The following FBN3 variants were observed in gnomAD, a reference collection of about 807,000 sequenced individuals.
FBN3 encodes the protein fibrillin-3.
FBN3 carries 234 observed loss-of-function variants against 330.1 expected under a neutral mutation model. The ratio of observed to expected loss-of-function variants is 0.71; its 90% CI spans 0.64 to 0.79. FBN3 has a LOEUF of 0.79. Ranked by LOEUF, FBN3 falls within the 30% of genes least tolerant of loss-of-function variation. FBN3 has a pLI of 0.00. For missense variants in FBN3, 3,606 were observed against 3,886.9 expected, an observed-to-expected ratio of 0.93 and a Z score of 1.92; for synonymous variants, 1,458 against 1,517.3, an observed-to-expected ratio of 0.96 and a Z score of 0.91.
chr19:8,077,902 C>T (rs1419960696), intron 59 of FBN3, among the ~76,000 whole-genome samples: 2 of 152,114 alleles, frequency 1.3e-5, no homozygotes, highest in African/African-American at 4.8e-5. Flanking sequence ...CATGGCAAAA[C>T]CCCGTCTCTA....
rs2082045875 is a variant in FBN3 at position 8,089,558 on chromosome 19, G to A, written c.6363C>T (p.Gly2121=). ...CTGGCCACTCACCCACACAGTTGATGCCAGTGAAGTCCAGGCTGTAGCCAA... is the reference window on the plus strand; with the variant it reads ...CTGGCCACTCACCCACACAGTTGATACCAGTGAAGTCCAGGCTGTAGCCAA... ...CPFGYSLDFT[G]INCVDTDECS... The change falls in exon 51 of 64, where the codon GGC becomes GGT. Residue 2121 remains glycine (G), a synonymous_variant. Coordinates refer to ENST00000600128, the MANE Select transcript of FBN3 (RefSeq NM_032447.5). 4 of 1,614,038 alleles carry A rather than the reference G, an allele frequency of 2.5e-6. No homozygotes were observed. The Admixed American group carries it at 6.7e-5, about 27-fold the overall frequency.
At position 8,076,128 on chromosome 19, in the gene FBN3, G is replaced by T. The variant is rs183239682; in HGVS notation, c.7454-717C>A. The stretch of plus-strand genomic sequence containing the variant: ...AAGGTGGCTGTCTGCAAACCAAGAA[G>T]AGAGCCCTCACAGAACCAGCCGTGC... On this transcript the variant is annotated intron_variant, in intron 59 of 63. Transcript: ENST00000600128. Among the ~76,000 whole-genome samples the T allele has an allele frequency of 7.6e-4, 115 of 152,242 alleles. 3 individuals are homozygous for T. The highest frequency in any genetic ancestry group is 2.5e-4 in the Non-Finnish European group (17 of 68,020).
intron 63 of FBN3, among the ~76,000 whole-genome samples, chr19:8,066,710 C>T (rs2081399305): frequency 6.6e-6 from 1 of 151,936 alleles, no homozygotes; most frequent in Non-Finnish European, 1.5e-5. Context: ...GAAACCCAGT[C>T]GCTACTAAAA....
In FBN3 at chr19:8,121,269, T is replaced by G. The variant is rs761406246; in HGVS notation, c.3200A>C (p.Lys1067Thr). 6.2e-7 allele frequency: 1 copy of G among 1,607,572 alleles called. No homozygotes were observed. The highest frequency in any genetic ancestry group is 8.5e-7 in the Non-Finnish European group (1 of 1,176,400). Residue 1067 changes from lysine to threonine, a missense_variant, in exon 25 of 64, where the codon AAG (lysine) becomes ACG (threonine). Lys to Thr is a moderately conservative substitution (Grantham distance 78). Transcript: ENST00000600128. The surrounding 1 kb of genome is among the most constrained non-coding windows in gnomAD (Gnocchi z 4.5). The stretch of plus-strand genomic sequence containing the variant: ...CGGCAGTCACCGACCCATGCAGTTC[T>G]TCATCAGCATGAAGCCACTCTCGTA... ...PGYESGFMLM[K>T]NCMDVDECAR... is the part of the protein sequence containing the mutation.
Position 8,144,951 on chromosome 19 carries a change from T to G in FBN3, c.467A>C (p.His156Pro). ...CGQPICDRGC[H>P]NGGRCIGPNR... ...GGGCCCAATGCAGCGACCCCCATTG[T>G]GGCAGCCGCGGTCACAGATGGCTGT... Residue 156 changes from histidine to proline, a missense_variant, in exon 6 of 64, where the codon CAC (histidine) becomes CCC (proline). Physicochemically the swap from His to Pro is moderately conservative, Grantham distance 77. Coordinates refer to ENST00000600128, the MANE Select transcript of FBN3 (RefSeq NM_032447.5). 6.2e-7 allele frequency: 1 copy of G among 1,611,420 alleles called. No homozygotes were observed. Among genetic ancestry groups the G allele is most frequent in the Non-Finnish European group, 8.5e-7 (1 of 1,179,488 alleles).
chr19:8,065,811 T>TG lies in FBN3; in HGVS notation c.*107dup, dbSNP rs2081376709. The TG allele has an allele frequency of 1.0e-6, 1 of 954,382 alleles. No individual in the cohort carries two copies. The highest frequency in any genetic ancestry group is 1.6e-6 in the Non-Finnish European group (1 of 642,914). 59.1% of individuals were successfully genotyped at this position (954,382 alleles called of 1,614,324 possible). ...TTGTCGTGTAGCATTTCACTCTTCC[T>TG]GAGTTTCGGGGTTCAATCTGGTCAG... On this transcript the variant is annotated 3_prime_UTR_variant, in exon 64 of 64. Transcript: ENST00000600128.
At chr19:8,130,694 A>G (rs552155612) in intron 16 of FBN3, among the ~76,000 whole-genome samples, 28 of 144,556 alleles carry the variant, frequency 1.9e-4, no homozygotes, top group African/African-American at 6.8e-4. Flanking sequence ...AGAAAAGAAA[A>G]GAAAAGAAAA....
Position 8,089,726 on chromosome 19 carries a change from C to A in FBN3, c.6251-56G>T. ...TCTGTCACCACACAATCGCCAGAGC[C>A]CTGGCCACACTCAAGGCCCCAAGGG... On this transcript the variant is annotated intron_variant, in intron 50 of 63. Coordinates refer to ENST00000600128, the MANE Select transcript of FBN3 (RefSeq NM_032447.5). 1.9e-6 allele frequency: 3 copies of A among 1,603,222 alleles called. No individual in the cohort carries two copies. The South Asian group carries it at 3.4e-5, about 18-fold the overall frequency.
intron 29 of FBN3, among the ~76,000 whole-genome samples, 191 bp downstream of exon 29, chr19:8,116,483 C>A (rs1400779823): frequency 6.6e-6 from 1 of 152,212 alleles, no homozygotes; most frequent in Non-Finnish European, 1.5e-5. Flanking sequence ...CTTTGGAGAG[C>A]AGACTTGGGG....
At position 8,142,150 on chromosome 19, in the gene FBN3, C is replaced by T. The variant is rs774007869; in HGVS notation, c.542-13G>A. On this transcript the variant is annotated splice_polypyrimidine_tract_variant and intron_variant, in intron 6 of 63. Coordinates refer to ENST00000600128, the MANE Select transcript of FBN3 (RefSeq NM_032447.5). ...CCCGTCCGGTAATCTGCAGGGCAGA[C>T]AGATGTGGGTACCTGGCTGAGGGCT... is the stretch of plus-strand genomic sequence containing the variant. 2 of 1,594,528 alleles carry T rather than the reference C, an allele frequency of 1.3e-6. No homozygotes were observed. Among genetic ancestry groups the T allele is most frequent in the African/African-American group, 1.3e-5 (1 of 74,614 alleles).
At position 8,147,475 on chromosome 19, in the gene FBN3, A is replaced by G; in HGVS notation, c.6T>C (p.Thr2=). Residue 2 remains threonine (T), a synonymous_variant, in exon 2 of 64, where the codon ACT becomes ACC. Coordinates refer to ENST00000600128, the MANE Select transcript of FBN3 (RefSeq NM_032447.5). M[T]LEGLYLARGP... is the part of the protein sequence containing the mutation. ...CCCTTGCCAAATACAGACCCTCCAGAGTCATGGCGTGTCCCCTGGAGGCTG... is the reference window on the plus strand; with the variant it reads ...CCCTTGCCAAATACAGACCCTCCAGGGTCATGGCGTGTCCCCTGGAGGCTG... 6.7e-7 allele frequency: 1 copy of G among 1,502,674 alleles called. No individual in the cohort carries two copies. Among genetic ancestry groups the G allele is most frequent in the Non-Finnish European group, 8.9e-7 (1 of 1,126,946 alleles). 93.1% of individuals were successfully genotyped at this position (1,502,674 alleles called of 1,614,324 possible).
chr19:8,112,524 C>T (rs2082613466), intron 30 of FBN3, among the ~76,000 whole-genome samples: 1 of 152,144 alleles, frequency 6.6e-6, no homozygotes, highest in Non-Finnish European at 1.5e-5. Flanking sequence ...GTGGCAGGTG[C>T]CTGTAGTCCC....
At chr19:8,128,406 A>C (rs181728488) in intron 18 of FBN3, among the ~76,000 whole-genome samples, 15 of 152,266 alleles carry the variant, frequency 9.9e-5, no homozygotes, top group Admixed American at 9.2e-4. Context: ...TCTACTAAAA[A>C]TACAAAAATT....
chr19:8,066,711 G>A (rs6603135), intron 63 of FBN3, among the ~76,000 whole-genome samples: 2 of 151,886 alleles, frequency 1.3e-5, no homozygotes, highest in East Asian at 3.9e-4. Flanking sequence ...AAACCCAGTC[G>A]CTACTAAAAA....
chr19:8,118,247 C>G (rs966063645), intron 26 of FBN3, among the ~76,000 whole-genome samples: 5 of 152,140 alleles, frequency 3.3e-5, no homozygotes, highest in African/African-American at 1.2e-4. Flanking sequence ...TTGCATCCAA[C>G]TACACATCAC....
At chr19:8,079,562 A>G (rs1199366610) in intron 59 of FBN3, among the ~76,000 whole-genome samples, 5 of 151,328 alleles carry the variant, frequency 3.3e-5, no homozygotes, top group Non-Finnish European at 5.9e-5. Context: ...CATGACACAC[A>G]TCACCTTTGA....
At position 8,087,598 on chromosome 19, in the gene FBN3, ATTTTTTTTT is replaced by A. The variant is rs35631767; in HGVS notation, c.6619+218_6619+226del. Among the ~76,000 whole-genome samples the A allele has an allele frequency of 6.6e-5, 5 of 75,454 alleles. No individual in the cohort carries two copies. In the East Asian group the frequency reaches 1.6e-3, roughly 24 times the overall value. The allele number at this position is 75,454 out of a possible 152,430, so 49.5% of individuals were successfully genotyped here. Reference sequence around the variant, plus strand: ...GCGGCTGTTCTGTGTGCATTGCAGGATTTTTTTTTTTTTTTTTTTTTTTTTGAGGCGGAG... The same window carrying A: ...GCGGCTGTTCTGTGTGCATTGCAGGATTTTTTTTTTTTTTTTGAGGCGGAG... On this transcript the variant is annotated intron_variant, in intron 53 of 63. Coordinates refer to ENST00000600128, the MANE Select transcript of FBN3 (RefSeq NM_032447.5).
chr19:8,103,590 G>A lies in FBN3; in HGVS notation c.4911C>T (p.Leu1637=), dbSNP rs778863491. 7 of 1,613,622 alleles carry A rather than the reference G, an allele frequency of 4.3e-6. No individual in the cohort carries two copies. The African/African-American group carries it at 6.7e-5, about 15-fold the overall frequency. ...TGCAGTTGTTGCCACCATTGACTTG[G>A]AGGTACTCTGCAGGGCAGACACAGG... is the stretch of plus-strand genomic sequence containing the variant. ...NYTCVCPAEY[L]QVNGGNNCMD... Residue 1637 remains leucine (L), a synonymous_variant, in exon 39 of 64, where the codon CTC becomes CTT. Transcript: ENST00000600128.
intron 56 of FBN3, among the ~76,000 whole-genome samples, chr19:8,084,257 G>T (rs567035766): frequency 6.6e-6 from 1 of 152,146 alleles, no homozygotes. Flanking sequence ...CACACAGGCC[G>T]CTGGCTCCCT....
Sources: allele counts gnomAD v4.1 joint callset (sites outside exome capture counted in the v4.1 genomes callset), GRCh38; gene constraint gnomAD v4.1.1; non-coding constraint Gnocchi (gnomAD v3.1); transcripts MANE v1.5; gene names NCBI Gene and HGNC (gene_info 2026-07-23, HGNC 2026-07-21).